The following SLC38A8 variants were observed in gnomAD, a reference collection of about 807,000 sequenced individuals.
SLC38A8 encodes the protein amino acid transporter SLC38A8.
Under a neutral mutation model 46.0 loss-of-function variants are expected in SLC38A8, and 65 were observed. The observed-to-expected ratio is 1.41, with a 90% CI of 1.16 to 1.74. The LOEUF is 1.74. Among genes scored for constraint, SLC38A8 ranks in the 40% most tolerant of loss-of-function variants. The pLI, the probability that SLC38A8 is intolerant of heterozygous loss-of-function variation, is 0.00. For missense variants in SLC38A8, 998 were observed against 567.9 expected (o/e 1.76, Z -7.70); for synonymous variants, 447 against 243.7 (o/e 1.83, Z -7.77).
At chr16:84,013,422 G>GGTTTTTTTTTT (rs2084978134) in intron 9 of SLC38A8, among the ~76,000 whole-genome samples, 2 of 108,700 alleles carry the variant, frequency 1.8e-5, no homozygotes, top group Non-Finnish European at 3.6e-5. Flanking sequence ...TGTTGTGTGT[G>GGTTTTTTTTTT]TGTTTTTTTT....
intron 7 of SLC38A8, among the ~76,000 whole-genome samples, chr16:84,018,548 T>G (rs1597254698): frequency 1.3e-5 from 2 of 152,140 alleles, no homozygotes; most frequent in African/African-American, 4.8e-5. Flanking sequence ...ATAAAGCCAC[T>G]AGTGCCATGC....
chr16:84,022,244 C>T (rs1015043250), intron 7 of SLC38A8, among the ~76,000 whole-genome samples: 1 of 152,312 alleles, frequency 6.6e-6, no homozygotes, highest in Non-Finnish European at 1.5e-5. Context: ...AGTGGCCAAC[C>T]AGAAGCCAGC....
rs201794631 is a variant in SLC38A8 at position 84,031,918 on chromosome 16, T to C, written c.581A>G (p.Gln194Arg). Residue 194 changes from glutamine to arginine, a missense_variant, in exon 5 of 11, where the codon CAG becomes CGG. By Grantham distance (43) the Gln-to-Arg change is conservative. Coordinates refer to ENST00000299709, the MANE Select transcript of SLC38A8 (RefSeq NM_001080442.3). Reference protein sequence around the residue: ...ACYLALVITVQYYLWPQGLVR... With the variant: ...ACYLALVITVRYYLWPQGLVR... ...GAGGCCCTGGGGCCAGAGGTAGTACTGCACGGTGATGACCAGGGCCAGGTA... is the reference window on the plus strand; with the variant it reads ...GAGGCCCTGGGGCCAGAGGTAGTACCGCACGGTGATGACCAGGGCCAGGTA... 3.8e-5 allele frequency: 62 copies of C among 1,614,214 alleles called. No individual in the cohort carries two copies. In the East Asian group the frequency reaches 1.1e-3, roughly 29 times the overall value.
intron 10 of SLC38A8, 116 bp from the exon 11 acceptor site, chr16:84,009,993 A>G (rs2084935764): frequency 1.4e-6 from 1 of 735,126 alleles, no homozygotes; most frequent in East Asian, 3.0e-5. Context: ...TTTGGAAAAA[A>G]GAAAAATTCA....
rs2085304914 is a variant in SLC38A8 at position 84,036,811 on chromosome 16, C to T, written c.279G>A (p.Arg93=). Residue 93 remains arginine, a synonymous_variant, in exon 3 of 11, where the codon AGG becomes AGA. Coordinates refer to ENST00000299709, the MANE Select transcript of SLC38A8 (RefSeq NM_001080442.3). ...TCCCAATGGCAGGGCCACACAGCCC[C>T]CTGACCACACCCTGGTAGGTGGCCT... ...SGQATYQGVV[R]GLCGPAIGKL... is the part of the protein sequence containing the mutation. 1.2e-6 allele frequency: 2 copies of T among 1,613,978 alleles called. No individual in the cohort carries two copies. Among genetic ancestry groups the T allele is most frequent in the African/African-American group, 1.3e-5 (1 of 74,946 alleles).
rs1303280860 is a variant in SLC38A8, at chr16:84,014,878, C to G, written c.1162+1641G>C. ...TGGCCCTCAATTCTTCCATCGCCCCCCCACCTCCGGGGTATTGACAAAGTT... is the reference window on the plus strand; with the variant it reads ...TGGCCCTCAATTCTTCCATCGCCCCGCCACCTCCGGGGTATTGACAAAGTT... On this transcript the variant is annotated intron_variant, in intron 9 of 10. Coordinates refer to ENST00000299709, the MANE Select transcript of SLC38A8 (RefSeq NM_001080442.3). Among the ~76,000 whole-genome samples the G allele has an allele frequency of 2.6e-5, 4 of 152,310 alleles. No homozygotes were observed. The South Asian group carries it at 8.3e-4, about 32-fold the overall frequency.
Position 84,042,128 on chromosome 16 carries a change from G to A in SLC38A8, c.30C>T (p.Gly10=), listed in dbSNP as rs549528650. MEGQTPGSR[G]LPEKPHPATA... is the part of the protein sequence containing the mutation. ...TGGCAGGGTGAGGCTTTTCTGGAAGGCCCCTGCTTCCTGGGGTCTGTCCCT... is the reference window on the plus strand; with the variant it reads ...TGGCAGGGTGAGGCTTTTCTGGAAGACCCCTGCTTCCTGGGGTCTGTCCCT... Residue 10 remains glycine (G), a synonymous_variant, in exon 2 of 11, where the codon GGC becomes GGT. Coordinates refer to ENST00000299709, the MANE Select transcript of SLC38A8 (RefSeq NM_001080442.3). 2 of 1,613,442 alleles carry A rather than the reference G, an allele frequency of 1.2e-6. No individual in the cohort carries two copies. The highest frequency in any genetic ancestry group is 1.3e-5 in the African/African-American group (1 of 75,008).
chr16:84,039,174 T>C (rs1264050940), intron 2 of SLC38A8, among the ~76,000 whole-genome samples: 3 of 152,162 alleles, frequency 2.0e-5, no homozygotes, highest in Non-Finnish European at 4.4e-5. Flanking sequence ...GAAGAGCCTT[T>C]GGAGGGAGCG....
Position 84,009,724 on chromosome 16 carries a change from A to G in SLC38A8, c.*60T>C. The G allele has an allele frequency of 3.5e-6, 5 of 1,418,994 alleles. No individual in the cohort carries two copies. Among genetic ancestry groups the G allele is most frequent in the Non-Finnish European group, 4.9e-6 (5 of 1,026,658 alleles). 87.9% of individuals were successfully genotyped at this position (1,418,994 alleles called of 1,614,324 possible). A position where few individuals can be genotyped will look rare whatever the true frequency, so the allele number is the denominator to read the frequency against. ...AATGGCATCGGTCTCCTGGCTGCATACAGCAGCCACGTAGGGTCAGCCCCC... is the reference window on the plus strand; with the variant it reads ...AATGGCATCGGTCTCCTGGCTGCATGCAGCAGCCACGTAGGGTCAGCCCCC... On this transcript the variant is annotated 3_prime_UTR_variant, in exon 11 of 11. Coordinates refer to ENST00000299709, the MANE Select transcript of SLC38A8 (RefSeq NM_001080442.3).
At chr16:84,027,256 A>C (rs2085174886) in intron 6 of SLC38A8, among the ~76,000 whole-genome samples, 1 of 152,200 alleles carries the variant, frequency 6.6e-6, no homozygotes, top group Admixed American at 6.5e-5. Flanking sequence ...AGGCTGAGGC[A>C]GGAGAATCGC....
In SLC38A8 at chr16:84,009,680, C is replaced by T; in HGVS notation, c.*104G>A. 1.0e-6 allele frequency: 1 copy of T among 976,322 alleles called. No homozygotes were observed. The highest frequency in any genetic ancestry group is 1.5e-6 in the Non-Finnish European group (1 of 663,078). The allele number at this position is 976,322 out of a possible 1,614,324, so 60.5% of individuals were successfully genotyped here. ...AGGCAGAAGGCATCAGTCTCTCCAG[C>T]ATCTTTATGAGGAAAAGAAATGGCA... On this transcript the variant is annotated 3_prime_UTR_variant, in exon 11 of 11. Transcript: ENST00000299709.
intron 3 of SLC38A8, among the ~76,000 whole-genome samples, 168 bp downstream of exon 3, chr16:84,036,534 C>G (rs2085300877): frequency 6.6e-6 from 1 of 152,268 alleles, no homozygotes; most frequent in Non-Finnish European, 1.5e-5. Flanking sequence ...GGTGACTATC[C>G]ATTCGGAGCC....
At chr16:84,017,745 G>C (rs1201663482) in intron 7 of SLC38A8, among the ~76,000 whole-genome samples, 1 of 152,180 alleles carries the variant, frequency 6.6e-6, no homozygotes, top group African/African-American at 2.4e-5. Context: ...CTGAGGACAA[G>C]AGCGCCATTC....
intron 2 of SLC38A8, among the ~76,000 whole-genome samples, chr16:84,040,761 T>C (rs1365829197): frequency 2.6e-5 from 4 of 152,088 alleles, no homozygotes; most frequent in African/African-American, 9.7e-5. Context: ...CCATGTCATA[T>C]CATCCCCCGA....
chr16:84,034,946 T>C lies in SLC38A8; in HGVS notation c.389-1477A>G, dbSNP rs375813887. 1.8e-4 allele frequency among the ~76,000 whole-genome samples: 27 copies of C among 152,286 alleles called. 1 individual carries two copies. In the South Asian group the frequency reaches 3.5e-3, roughly 20 times the overall value. ...TCTTTGGCACCAAAGACATGGTCAA[T>C]TGTACCTCGTGCCATGACTCCCCCA... On this transcript the variant is annotated intron_variant, in intron 3 of 10. Transcript: ENST00000299709.
chr16:84,036,324 G>A (rs575603217), intron 3 of SLC38A8, among the ~76,000 whole-genome samples: 21 of 152,352 alleles, frequency 1.4e-4, no homozygotes, highest in Middle Eastern at 3.4e-3. Context: ...AGTCTTAGTC[G>A]GGAACTCGAG....
chr16:84,013,436 T>TGTTG (rs1266970083), intron 9 of SLC38A8, among the ~76,000 whole-genome samples: 10 of 126,182 alleles, frequency 7.9e-5, no homozygotes, highest in Non-Finnish European at 1.8e-4. Flanking sequence ...TTTTTTTTTT[T>TGTTG]TTTTTTTTTT....
intron 3 of SLC38A8, among the ~76,000 whole-genome samples, 175 bp downstream of exon 3, chr16:84,036,527 G>C (rs2085300822): frequency 6.6e-6 from 1 of 152,244 alleles, no homozygotes; most frequent in South Asian, 2.1e-4. Context: ...CCCAACTGGT[G>C]ACTATCCATT....
At chr16:84,032,131 G>A (rs953188942) in intron 4 of SLC38A8, among the ~76,000 whole-genome samples, 163 bp from the exon 5 acceptor site, 4 of 152,192 alleles carry the variant, frequency 2.6e-5, no homozygotes, top group African/African-American at 7.2e-5. Flanking sequence ...GGGGCATGTG[G>A]GGCAGGGCTG....
Sources: gnomAD v4.1 joint callset for allele counts (sites outside exome capture counted in the v4.1 genomes callset) on GRCh38, gnomAD v4.1.1 for gene constraint, MANE v1.5 for transcripts, NCBI Gene and HGNC (gene_info 2026-07-23, HGNC 2026-07-21) for gene names.